Variants in TRPM7 observed in about 807,000 individuals in gnomAD.
TRPM7 encodes transient receptor potential cation channel subfamily M member 7.
TRPM7 carries 134 observed loss-of-function variants against 229.7 expected under a neutral mutation model. The observed-to-expected ratio is 0.58, with a 90% CI of 0.51 to 0.67. The LOEUF (loss-of-function observed/expected upper bound fraction) is 0.67, where lower values mean the gene tolerates loss of function less well. TRPM7 is among the 30% of genes least tolerant of loss of function. TRPM7 has a pLI of 0.00. For missense variants in TRPM7, 1,901 were observed against 2,210.0 expected (o/e 0.86, Z 2.80); for synonymous variants, 699 against 715.2 (o/e 0.98, Z 0.36).
intron 1 of TRPM7, among the ~76,000 whole-genome samples, chr15:50,669,240 G>C (rs569030323): frequency 2.0e-5 from 3 of 151,436 alleles, no homozygotes. Flanking sequence ...TCTGGAGTTC[G>C]AGACCAGCCT....
chr15:50,599,174 A>T lies in TRPM7; in HGVS notation c.3111T>A (p.Val1037=), dbSNP rs566784395. The T allele has an allele frequency of 2.5e-6, 4 of 1,613,266 alleles. No individual in the cohort carries two copies. In the African/African-American group the frequency reaches 4.0e-5, roughly 16 times the overall value. Residue 1037 remains valine, a synonymous_variant, in exon 22 of 39, where the codon GTT becomes GTA. Transcript: ENST00000646667. The stretch of plus-strand genomic sequence containing the variant: ...CAAAAATCATCCAGTATGGGTGAAA[A>T]ACTATATCTTTAGCAAGAGTCCAAG... The part of the protein sequence containing the change: ...APSWTLAKDI[V]FHPYWMIFGE...
chr15:50,579,937 C>A (rs1261510884), intron 30 of TRPM7, among the ~76,000 whole-genome samples: 1 of 152,176 alleles, frequency 6.6e-6, no homozygotes, highest in Admixed American at 6.5e-5. Context: ...CAAGCGCACA[C>A]CACTATACCC....
At chr15:50,666,671 G>A (rs1596337112) in intron 1 of TRPM7, among the ~76,000 whole-genome samples, 1 of 152,050 alleles carries the variant, frequency 6.6e-6, no homozygotes, top group African/African-American at 2.4e-5. Context: ...GCATGGTGGT[G>A]CATGCCTATA....
chr15:50,587,390 G>C (rs2059370718), intron 27 of TRPM7, among the ~76,000 whole-genome samples: 2 of 144,872 alleles, frequency 1.4e-5, no homozygotes. Flanking sequence ...GGCTTTACTG[G>C]CTCAATAAAT....
At chr15:50,678,239 CA>C (rs527874854) in intron 1 of TRPM7, among the ~76,000 whole-genome samples, 15 of 92,060 alleles carry the variant, frequency 1.6e-4, no homozygotes, top group South Asian at 8.0e-4. Context: ...GACTCTCTCT[CA>C]AAAAAAAAAA....
At position 50,612,833 on chromosome 15, in the gene TRPM7, C is replaced by T. The variant is rs370386839; in HGVS notation, c.1771-4G>A. 1 of 1,604,786 alleles carries T rather than the reference C, an allele frequency of 6.2e-7. No homozygotes were observed. On this transcript the variant is annotated splice_region_variant and splice_polypyrimidine_tract_variant and intron_variant, in intron 15 of 38. Transcript: ENST00000646667. ...CTTCTTCCATAACTGTATCAATCTT[C>T]CAGGGAAAATAAAGTTATAAAGCTC...
At chr15:50,590,825 TAAA>T (rs34051921) in intron 26 of TRPM7, among the ~76,000 whole-genome samples, 10 of 118,068 alleles carry the variant, frequency 8.5e-5, no homozygotes, top group East Asian at 5.0e-4. Context: ...CTCCGTCTTT[TAAA>T]AAAAAAAAAA....
chr15:50,613,436 A>C (rs1329665207), intron 15 of TRPM7, among the ~76,000 whole-genome samples: 5 of 132,628 alleles, frequency 3.8e-5, no homozygotes, highest in Non-Finnish European at 7.8e-5. Context: ...TGGGAGGTGG[A>C]GGTTGCAGTG....
chr15:50,647,681 G>A (rs1029652388), intron 4 of TRPM7, among the ~76,000 whole-genome samples: 1 of 152,086 alleles, frequency 6.6e-6, no homozygotes, highest in African/African-American at 2.4e-5. Context: ...GGAGGCCGGA[G>A]GTTGCAGTGA....
intron 36 of TRPM7, among the ~76,000 whole-genome samples, chr15:50,572,233 TTGTGATTGAGCTAC>T (rs1283716094): frequency 6.6e-6 from 1 of 151,958 alleles, no homozygotes; most frequent in East Asian, 1.9e-4. Context: ...TTGCAGTGAG[TTGTGATTGAGCTAC>T]TGCACTCCAG....
chr15:50,609,434 G>T (rs1317838316), intron 19 of TRPM7, 147 bp downstream of exon 19: 1 of 816,076 alleles, frequency 1.2e-6, no homozygotes, highest in Non-Finnish European at 1.8e-6. Context: ...CAATTTAAAT[G>T]AAACTAAGGC....
intron 3 of TRPM7, 23 bp downstream of exon 3, chr15:50,657,758 C>T (rs180796992): frequency 8.0e-5 from 128 of 1,602,880 alleles, no homozygotes; most frequent in South Asian, 2.7e-4. Context: ...GAAATTTGTG[C>T]GGTATAGTTA....
intron 6 of TRPM7, among the ~76,000 whole-genome samples, chr15:50,638,674 TTGTATGTATGTATGTA>T (rs11283855): frequency 6.6e-6 from 1 of 150,504 alleles, no homozygotes; most frequent in East Asian, 2.0e-4. Context: ...AATTCAGTAA[TTGTATGTATGTATGTA>T]TGTATGTATG....
Position 50,662,956 on chromosome 15 carries a change from G to T in TRPM7, c.83+11C>A. ...TCTAGAAGACCCCAGAAGTAACAAA[G>T]GTGTGCTTACCTGTGAGGGTCCTTG... On this transcript the variant is annotated intron_variant, in intron 2 of 38. Coordinates refer to ENST00000646667, the MANE Select transcript of TRPM7 (RefSeq NM_017672.6). 1 of 1,600,078 alleles carries T rather than the reference G, an allele frequency of 6.2e-7. No homozygotes were observed. The highest frequency in any genetic ancestry group is 1.7e-5 in the Admixed American group (1 of 58,404).
chr15:50,632,093 A>G (rs2060754362), intron 9 of TRPM7, among the ~76,000 whole-genome samples: 2 of 152,092 alleles, frequency 1.3e-5, no homozygotes, highest in African/African-American at 4.8e-5. Flanking sequence ...ACGTGAGGTT[A>G]GGAGTTCGAG....
chr15:50,601,547 C>G (rs2059780437), intron 21 of TRPM7, among the ~76,000 whole-genome samples: 1 of 152,084 alleles, frequency 6.6e-6, no homozygotes, highest in African/African-American at 2.4e-5. Flanking sequence ...GAGGCTGAGG[C>G]AGAAGAATCG....
chr15:50,577,774 A>G (rs1267255100), intron 31 of TRPM7, among the ~76,000 whole-genome samples: 3 of 152,256 alleles, frequency 2.0e-5, no homozygotes, highest in African/African-American at 7.2e-5. Context: ...TGCTTGTAGC[A>G]GCAAGTCATA....
chr15:50,580,970 C>A (rs2054376143), intron 29 of TRPM7, 62 bp from the exon 30 acceptor site: 2 of 1,512,718 alleles, frequency 1.3e-6, no homozygotes, highest in African/African-American at 1.4e-5. Flanking sequence ...CTAGATGAAG[C>A]ATAACGGTTT....
At chr15:50,637,920 T>C (rs960966764) in intron 6 of TRPM7, among the ~76,000 whole-genome samples, 4 of 152,142 alleles carry the variant, frequency 2.6e-5, no homozygotes, top group Admixed American at 6.6e-5. Flanking sequence ...AACTACAATA[T>C]ATAAAAGATA....
Sources: gnomAD v4.1 joint callset for allele counts (sites outside exome capture counted in the v4.1 genomes callset) on GRCh38, gnomAD v4.1.1 for gene constraint, MANE v1.5 for transcripts, NCBI Gene and HGNC (gene_info 2026-07-23, HGNC 2026-07-21) for gene names.